The following KDM4C variants were observed in gnomAD, a reference collection of about 807,000 sequenced individuals.
The protein encoded by KDM4C is lysine-specific demethylase 4C.
KDM4C carries 81 observed loss-of-function variants against 129.3 expected under a neutral mutation model. That is an observed-to-expected ratio of 0.63 (90% CI 0.52 to 0.75). The LOEUF is 0.75. Among genes scored for constraint, KDM4C ranks in the 30% least tolerant of loss-of-function variants. The probability of loss-of-function intolerance (pLI) is 0.00; values close to 1 mark genes in which losing one functional copy is unlikely to be tolerated. For synonymous variants in KDM4C, 573 were observed against 456.1 expected, an observed-to-expected ratio of 1.26 and a Z score of -3.26; for missense variants, 1,457 against 1,304.0, an observed-to-expected ratio of 1.12 and a Z score of -1.81.
chr9:6,902,595 G>T (rs1243457461), intron 8 of KDM4C: 1 of 152,098 alleles, frequency 6.6e-6, no homozygotes, highest in African/African-American at 2.4e-5. Context: ...GAACTCGCCT[G>T]GCACCATGTC....
intron 5 of KDM4C, among the ~76,000 whole-genome samples, chr9:6,859,619 T>A (rs1313472075): frequency 6.6e-6 from 1 of 151,316 alleles, no homozygotes; most frequent in African/African-American, 2.4e-5. Flanking sequence ...ATCCAGCACT[T>A]TGGGAGGCCC....
intron 4 of KDM4C, among the ~76,000 whole-genome samples, chr9:6,828,357 C>T (rs551827102): frequency 1.3e-5 from 2 of 151,984 alleles, no homozygotes; most frequent in African/African-American, 2.4e-5. Context: ...CCATGTCAGA[C>T]AGGCTGGTCT....
At chr9:7,113,332 C>G (rs1029972388) in intron 18 of KDM4C, among the ~76,000 whole-genome samples, 4 of 152,130 alleles carry the variant, frequency 2.6e-5, no homozygotes, top group Non-Finnish European at 5.9e-5. Context: ...TTAGCACAGA[C>G]CTTTTAGAAT....
At chr9:6,939,976 A>ACCTTCCTCCCTTCCTT in intron 8 of KDM4C, among the ~76,000 whole-genome samples, 1 of 93,480 alleles carries the variant, frequency 1.1e-5, no homozygotes, top group Non-Finnish European at 2.2e-5. Flanking sequence ...CTACCTACCT[A>ACCTTCCTCCCTTCCTT]CCTTCCTTCC....
chr9:6,922,887 A>G, intron 8 of KDM4C, among the ~76,000 whole-genome samples: 1 of 152,258 alleles, frequency 6.6e-6, no homozygotes, highest in Non-Finnish European at 1.5e-5. Flanking sequence ...TCTCTGACTC[A>G]AGCCACTTAA....
intron 19 of KDM4C, among the ~76,000 whole-genome samples, chr9:7,130,534 C>T (rs949677395): frequency 5.9e-5 from 9 of 152,134 alleles, no homozygotes; most frequent in African/African-American, 1.7e-4. Flanking sequence ...TTTTCTGGAG[C>T]GCATGCCATT....
intron 16 of KDM4C, among the ~76,000 whole-genome samples, chr9:7,047,575 G>C (rs1338010094): frequency 6.6e-6 from 1 of 151,778 alleles, no homozygotes; most frequent in African/African-American, 2.4e-5. Context: ...GCATATTACA[G>C]GGTCCGCTGG....
At chr9:7,096,783 C>G (rs971747987) in intron 17 of KDM4C, among the ~76,000 whole-genome samples, 4 of 152,106 alleles carry the variant, frequency 2.6e-5, no homozygotes, top group Non-Finnish European at 4.4e-5. Flanking sequence ...TCTGGGTGGT[C>G]TGGTCTGTAG....
At chr9:6,848,773 C>T (rs1244445204) in intron 4 of KDM4C, among the ~76,000 whole-genome samples, 3 of 152,186 alleles carry the variant, frequency 2.0e-5, no homozygotes, top group African/African-American at 7.2e-5. Flanking sequence ...TCTGCCATCA[C>T]CATCCATATT....
At chr9:6,949,896 T>C (rs2131494091) in intron 8 of KDM4C, among the ~76,000 whole-genome samples, 1 of 152,258 alleles carries the variant, frequency 6.6e-6, no homozygotes, top group South Asian at 2.1e-4. Context: ...AGCCAAAGAA[T>C]CAGAGATAAA....
chr9:6,968,148 AGG>A (rs1276258279), intron 8 of KDM4C, among the ~76,000 whole-genome samples: 4 of 152,208 alleles, frequency 2.6e-5, no homozygotes, highest in Non-Finnish European at 5.9e-5. Context: ...GAACTAAGAT[AGG>A]CCTCCTTCAC....
chr9:6,893,717 AATC>A (rs1846430229), intron 8 of KDM4C: 1 of 152,312 alleles, frequency 6.6e-6, no homozygotes. Context: ...TCTTGAAAGT[AATC>A]ATGTAGAACA....
chr9:6,957,364 G>A (rs754428401), intron 8 of KDM4C, among the ~76,000 whole-genome samples: 31 of 152,142 alleles, frequency 2.0e-4, no homozygotes, highest in Non-Finnish European at 3.7e-4. Flanking sequence ...AAGAAGGAAA[G>A]CTGTGTCCTG....
intron 9 of KDM4C, among the ~76,000 whole-genome samples, chr9:6,983,521 A>C (rs1309464136): frequency 6.6e-6 from 1 of 151,308 alleles, no homozygotes; most frequent in Non-Finnish European, 1.5e-5. Context: ...GGATCACTTG[A>C]GGCCAGGAGT....
chr9:6,967,828 C>T (rs1374038887), intron 8 of KDM4C, among the ~76,000 whole-genome samples: 2 of 152,138 alleles, frequency 1.3e-5, no homozygotes, highest in African/African-American at 4.8e-5. Flanking sequence ...GAGTTTTTAG[C>T]AGTACAGATA....
At chr9:6,957,365 C>G (rs1372984293) in intron 8 of KDM4C, among the ~76,000 whole-genome samples, 1 of 152,168 alleles carries the variant, frequency 6.6e-6, no homozygotes, top group Admixed American at 6.5e-5. Flanking sequence ...AGAAGGAAAG[C>G]TGTGTCCTGC....
intron 4 of KDM4C, among the ~76,000 whole-genome samples, chr9:6,824,887 T>A (rs1833631837): frequency 6.6e-6 from 1 of 152,054 alleles, no homozygotes; most frequent in South Asian, 2.1e-4. Flanking sequence ...CTCACACCCA[T>A]AATCCCAGCA....
At chr9:7,114,853 C>T (rs1157092930) in intron 18 of KDM4C, among the ~76,000 whole-genome samples, 2 of 152,078 alleles carry the variant, frequency 1.3e-5, no homozygotes, top group Non-Finnish European at 2.9e-5. Context: ...CACCTGTAGT[C>T]CCAGCACTTT....
rs114451855 is a variant in KDM4C at position 7,125,447 on chromosome 9, G to A, written c.2611-2619G>A. On this transcript the variant is annotated intron_variant, in intron 18 of 21. Transcript: ENST00000381309. ...AGTAATATAGCCTTAGTGGTTTTGT[G>A]TATTTGACTCTCCAACATCAGATGT... Among the ~76,000 whole-genome samples the A allele has an allele frequency of 7.1e-3, 1,080 of 152,326 alleles. 13 individuals are homozygous for A. Among genetic ancestry groups the A allele is most frequent in the African/African-American group, 0.025 (1,030 of 41,576 alleles).
Sources: allele counts gnomAD v4.1 joint callset (sites outside exome capture counted in the v4.1 genomes callset), GRCh38; gene constraint gnomAD v4.1.1; transcripts MANE v1.5; gene names NCBI Gene and HGNC (gene_info 2026-07-23, HGNC 2026-07-21).